The following RPS6KA1 variants were observed in gnomAD, a reference collection of about 807,000 sequenced individuals.
RPS6KA1 encodes ribosomal protein S6 kinase alpha-1.
A neutral mutation model predicts 91.3 loss-of-function variants in RPS6KA1; 48 were observed. That is an observed-to-expected ratio of 0.53 (90% CI 0.42 to 0.67). The LOEUF is 0.67. RPS6KA1 is among the 30% of genes least tolerant of loss of function. RPS6KA1 has a pLI of 0.00. For synonymous variants in RPS6KA1, 359 were observed against 384.7 expected (o/e 0.93, Z 0.78); for missense variants, 719 against 960.5 (o/e 0.75, Z 3.32).
chr1:26,556,744 C>A, intron 12 of RPS6KA1, 26 bp downstream of exon 12: 2 of 1,612,914 alleles, frequency 1.2e-6, no homozygotes, highest in Non-Finnish European at 1.7e-6. Flanking sequence ...CACACCAGGG[C>A]TCTGGCCAGG....
intron 1 of RPS6KA1, among the ~76,000 whole-genome samples, chr1:26,535,880 G>A (rs980419568): frequency 1.3e-5 from 2 of 152,158 alleles, no homozygotes; most frequent in Non-Finnish European, 2.9e-5. Flanking sequence ...GCCAGGCGCA[G>A]TGGCTCACAC....
chr1:26,563,805 G>T (rs72879017), intron 17 of RPS6KA1, among the ~76,000 whole-genome samples: 6,364 of 152,084 alleles, frequency 0.042, 358 homozygotes, highest in African/African-American at 0.14. Context: ...CAGTTTTTTG[G>T]GGGGGATGGG....
rs2076252957 is a variant in RPS6KA1 at position 26,571,956 on chromosome 1, C to T, written c.1829+31C>T. 1 of 1,594,758 alleles carries T rather than the reference C, an allele frequency of 6.3e-7. No homozygotes were observed. Among genetic ancestry groups the T allele is most frequent in the Non-Finnish European group, 8.6e-7 (1 of 1,166,554 alleles). ...TGCCCCTGGCCTGGACCCTTCCCCA[C>T]TCCTGCAGCCCTAGCACTTGGGCTG... On this transcript the variant is annotated intron_variant, in intron 19 of 21. Coordinates refer to ENST00000374168, the MANE Select transcript of RPS6KA1 (RefSeq NM_002953.4). The surrounding 1 kb of genome is among the most constrained non-coding windows in gnomAD (Gnocchi z 5.1).
intron 17 of RPS6KA1, among the ~76,000 whole-genome samples, chr1:26,569,162 T>TC (rs1039933153): frequency 2.2e-5 from 3 of 136,056 alleles, no homozygotes; most frequent in Non-Finnish European, 4.6e-5. Flanking sequence ...CTGGCGAGAC[T>TC]CCATCTCAAA....
intron 1 of RPS6KA1, among the ~76,000 whole-genome samples, chr1:26,530,263 TC>T (rs2075858646): frequency 6.6e-6 from 1 of 152,176 alleles, no homozygotes; most frequent in Non-Finnish European, 1.5e-5. Context: ...CTAGGACCCG[TC>T]CCGGCATCTG....
intron 2 of RPS6KA1, chr1:26,546,011 T>G (rs760696849): frequency 1.9e-6 from 3 of 1,611,770 alleles, no homozygotes; most frequent in Non-Finnish European, 2.5e-6. Flanking sequence ...TCCCTGGCCC[T>G]GGCTCTGGCC....
chr1:26,560,998 C>A (rs1346043213), intron 15 of RPS6KA1, 47 bp from the exon 16 acceptor site: 1 of 1,601,552 alleles, frequency 6.2e-7, no homozygotes, highest in Non-Finnish European at 8.5e-7. Context: ...AGAAAGGACC[C>A]TGGACCCTGT....
intron 13 of RPS6KA1, 138 bp downstream of exon 13, chr1:26,557,238 G>T (rs2076110891): frequency 3.1e-6 from 2 of 654,542 alleles, no homozygotes; most frequent in South Asian, 3.5e-5. Context: ...TGAGTTTCTG[G>T]CTCCGTGGGA....
chr1:26,563,128 C>A (rs1216741058), intron 17 of RPS6KA1, among the ~76,000 whole-genome samples: 5 of 151,974 alleles, frequency 3.3e-5, no homozygotes, highest in Non-Finnish European at 7.4e-5. Flanking sequence ...TGTGAGCCAC[C>A]ACACCCGGCC....
rs548684434 is a variant in RPS6KA1, at chr1:26,554,272, C to G, written c.613+21C>G. 1 of 1,555,596 alleles carries G rather than the reference C, an allele frequency of 6.4e-7. No homozygotes were observed. The highest frequency in any genetic ancestry group is 1.2e-5 in the South Asian group (1 of 84,262). ...CACTGGTGAGTGGAGGGCGCCTGCC[C>G]CCTCGGGACCCAGGGGAGGACAGGA... On this transcript the variant is annotated intron_variant, in intron 8 of 21. Coordinates refer to ENST00000374168, the MANE Select transcript of RPS6KA1 (RefSeq NM_002953.4). The surrounding 1 kb of genome is among the most constrained non-coding windows in gnomAD (Gnocchi z 4.6).
rs1337752173 is a variant in RPS6KA1 at position 26,551,441 on chromosome 1, G to A, written c.352G>A (p.Asp118Asn). ...CAAGATGGAGAGAGACATCCTGGCT[G>A]ATGTAAATCACCCATTCGTGGTGAA... ...RTKMERDILA[D>N]VNHPFVVKLH... The change falls in exon 5 of 22, where the codon GAT becomes AAT. Residue 118 changes from aspartate (D) to asparagine (N), a missense_variant. Physicochemically the swap from Asp to Asn is conservative, Grantham distance 23 (BLOSUM62 1). This residue lies in a region of RPS6KA1 where 159 missense variants were observed against 264.5 expected (regional missense o/e 0.60). Transcript: ENST00000374168. This position sits in a 1 kb window ranked among gnomAD's most constrained non-coding sequence, Gnocchi z 4.5. The A allele has an allele frequency of 6.2e-7, 1 of 1,614,044 alleles. No individual in the cohort carries two copies. The highest frequency in any genetic ancestry group is 8.5e-7 in the Non-Finnish European group (1 of 1,180,028).
At position 26,553,523 on chromosome 1, in the gene RPS6KA1, C is replaced by T. The variant is rs745988842; in HGVS notation, c.575+26C>T. 2.6e-6 allele frequency: 4 copies of T among 1,515,096 alleles called. No homozygotes were observed. In the South Asian group the frequency reaches 3.4e-5, roughly 13 times the overall value. 93.9% of individuals were successfully genotyped at this position (1,515,096 alleles called of 1,614,324 possible). A position where few individuals can be genotyped will look rare whatever the true frequency, so the allele number is the denominator to read the frequency against. ...GTGAGTGAAGCCTCCAGCCCCACCC[C>T]AGCCTCCCCAGGGGAGGCCTCTTCT... On this transcript the variant is annotated intron_variant, in intron 7 of 21. Transcript: ENST00000374168.
Position 26,536,997 on chromosome 1 carries a change from G to A in RPS6KA1, c.108+28G>A, listed in dbSNP as rs779620686. The A allele has an allele frequency of 2.2e-5, 36 of 1,613,246 alleles. No individual in the cohort carries two copies. In the South Asian group the frequency reaches 2.6e-4, roughly 12 times the overall value. ...GAGGACCATGGCCAGCACCCTGAGC[G>A]AGGGGCTGTGGGGGATCCTGTTTGC... On this transcript the variant is annotated intron_variant, in intron 2 of 21. Transcript: ENST00000374168.
intron 14 of RPS6KA1, among the ~76,000 whole-genome samples, chr1:26,560,172 C>T (rs74062513): frequency 8.2e-4 from 125 of 152,352 alleles, no homozygotes; most frequent in Middle Eastern, 3.4e-3. Flanking sequence ...ATGCAAGGAC[C>T]GCATGCGCAA....
chr1:26,553,857 A>C, intron 7 of RPS6KA1: 1 of 270,558 alleles, frequency 3.7e-6, no homozygotes, highest in Non-Finnish European at 7.0e-6. Context: ...GTGAGTTGGA[A>C]TAAGATCTGG....
In RPS6KA1 at chr1:26,554,578, C is replaced by T. The variant is rs1478358767; in HGVS notation, c.614-18C>T. On this transcript the variant is annotated intron_variant, in intron 8 of 21. Transcript: ENST00000374168. The surrounding 1 kb of genome is among the most constrained non-coding windows in gnomAD (Gnocchi z 4.6). ...GGCAGGGGTCCTAAGGTGTGTCCTC[C>T]TGCCCTCCTTGCTGTAGACTTTGGC... is the stretch of plus-strand genomic sequence containing the variant. The T allele has an allele frequency of 1.2e-6, 2 of 1,604,970 alleles. No homozygotes were observed. The highest frequency in any genetic ancestry group is 1.7e-5 in the Admixed American group (1 of 59,516).
At position 26,549,072 on chromosome 1, in the gene RPS6KA1, G is replaced by A. The variant is rs200388747; in HGVS notation, c.307+1802G>A. ...GATCTCCTAAGATAAGCAGCTGTGA[G>A]CATCAATTCTGGAATGGCAGTGACG... On this transcript the variant is annotated intron_variant, in intron 4 of 21. Transcript: ENST00000374168. 8.6e-5 allele frequency among the ~76,000 whole-genome samples: 13 copies of A among 150,664 alleles called. No individual in the cohort carries two copies. The East Asian group carries it at 2.5e-3, about 29-fold the overall frequency.
Position 26,554,866 on chromosome 1 carries a change from C to G in RPS6KA1, c.756+128C>G. 1 of 1,267,254 alleles carries G rather than the reference C, an allele frequency of 7.9e-7. No individual in the cohort carries two copies. The allele number at this position is 1,267,254 out of a possible 1,614,324, so 78.5% of individuals were successfully genotyped here. A position where few individuals can be genotyped will look rare whatever the true frequency, so the allele number is the denominator to read the frequency against. On this transcript the variant is annotated intron_variant, in intron 9 of 21. Coordinates refer to ENST00000374168, the MANE Select transcript of RPS6KA1 (RefSeq NM_002953.4). The surrounding 1 kb of genome is among the most constrained non-coding windows in gnomAD (Gnocchi z 4.6). ...TCCTCTCACAGCCAAGCTGGCCTCA[C>G]CCTATATGCACCTGCAGTTTTCTTC...
chr1:26,539,945 C>G (rs775883921), intron 2 of RPS6KA1, among the ~76,000 whole-genome samples: 4 of 152,200 alleles, frequency 2.6e-5, no homozygotes, highest in Non-Finnish European at 5.9e-5. Context: ...TTATGAAACC[C>G]TGATCCCTCC....
Sources: allele counts gnomAD v4.1 joint callset (sites outside exome capture counted in the v4.1 genomes callset), GRCh38; gene constraint gnomAD v4.1.1; regional missense constraint gnomAD v4.1.1; non-coding constraint Gnocchi (gnomAD v3.1); transcripts MANE v1.5; gene names NCBI Gene and HGNC (gene_info 2026-07-23, HGNC 2026-07-21).